CCDC74A: variants seen among roughly 807,000 people sequenced by gnomAD.
CCDC74A encodes the protein coiled-coil domain-containing protein 74A.
A neutral mutation model predicts 37.6 loss-of-function variants in CCDC74A; 38 were observed. The ratio of observed to expected loss-of-function variants is 1.01; its 90% CI spans 0.78 to 1.33. The LOEUF (loss-of-function observed/expected upper bound fraction) is 1.33. Ranked by LOEUF, CCDC74A falls within the 40% of genes most tolerant of loss-of-function variation. The probability of loss-of-function intolerance (pLI) is 0.00; values close to 1 mark genes in which losing one functional copy is unlikely to be tolerated. For synonymous variants in CCDC74A, 134 were observed against 165.2 expected, an observed-to-expected ratio of 0.81 and a Z score of 1.45; for missense variants, 340 against 403.4, an observed-to-expected ratio of 0.84 and a Z score of 1.35.
chr2:131,529,455 G>A (rs115803849), intron 1 of CCDC74A, 192 bp from the exon 2 acceptor site: 8,076 of 764,120 alleles, frequency 0.011, 169 homozygotes, highest in South Asian at 0.05. Context: ...CTAGGGAACA[G>A]GCAGGGCCAT....
At position 131,532,849 on chromosome 2, in the gene CCDC74A, G is replaced by A. The variant is rs748854676; in HGVS notation, c.679-15G>A. On this transcript the variant is annotated splice_polypyrimidine_tract_variant and intron_variant, in intron 5 of 7. Transcript: ENST00000409856. ...CCGCCACAGGCCCCACCATGCCCCT[G>A]CCCCTGCCTTTCAGCTGCGGCACCT... 1 of 1,613,238 alleles carries A rather than the reference G, an allele frequency of 6.2e-7. No homozygotes were observed. Among genetic ancestry groups the A allele is most frequent in the East Asian group, 2.2e-5 (1 of 44,874 alleles).
chr2:131,525,711 C>CTTTTTTTTTTTTTTTTTTT (rs58721770), upstream of CCDC74A, among the ~76,000 whole-genome samples: 7 of 63,446 alleles, frequency 1.1e-4, 1 homozygote, highest in Admixed American at 5.0e-4. Context: ...CTATGCCTGC[C>CTTTTTTTTTTTTTTTTTTT]TTTTTTTTTT....
chr2:131,529,788 T>G, intron 2 of CCDC74A, 97 bp downstream of exon 2: 2 of 1,565,288 alleles, frequency 1.3e-6, no homozygotes, highest in Non-Finnish European at 1.7e-6. Context: ...CTGGCCCCTG[T>G]ATGCCAACCC....
At position 131,530,274 on chromosome 2, in the gene CCDC74A, A is replaced by G. The variant is rs760597950; in HGVS notation, c.296-503A>G. On this transcript the variant is annotated intron_variant, in intron 2 of 7. Transcript: ENST00000409856. ...GGCTGTGGTCTCAAGCTCACTTCCC[A>G]TTATCTTTGGGGCTGGGGCTGACAT... 67 of 1,542,770 alleles carry G rather than the reference A, an allele frequency of 4.3e-5. No individual in the cohort carries two copies. In the East Asian group the frequency reaches 6.6e-4, roughly 15 times the overall value.
chr2:131,528,137 G>A lies in CCDC74A; in HGVS notation c.167G>A (p.Ser56Asn). 6.2e-7 allele frequency: 1 copy of A among 1,613,940 alleles called. No homozygotes were observed. Among genetic ancestry groups the A allele is most frequent in the South Asian group, 1.1e-5 (1 of 91,084 alleles). Residue 56 changes from serine to asparagine, a missense_variant, in exon 1 of 8, where the codon AGC (serine) becomes AAC (asparagine). Ser to Asn is a conservative substitution (Grantham distance 46). Transcript: ENST00000409856. ...PQKRNLDLEK[S>N]LQFLQQQHSE... Reference sequence around the variant, plus strand: ...AAACGGAACCTGGACCTGGAGAAAAGCCTGCAGTTCCTGCAGCAGCAGCAC... The same window carrying A: ...AAACGGAACCTGGACCTGGAGAAAAACCTGCAGTTCCTGCAGCAGCAGCAC...
Position 131,527,899 on chromosome 2 carries a change from G to A in CCDC74A, c.-72G>A, listed in dbSNP as rs1573515171. ...GTCGCCCGGTTTCCATGGTGACGGG[G>A]CGCCAGGCTAGGGCGGCCTGGCCAC... On this transcript the variant is annotated 5_prime_UTR_variant, in exon 1 of 8. Transcript: ENST00000409856. 1.4e-6 allele frequency: 2 copies of A among 1,405,248 alleles called. No individual in the cohort carries two copies. Among genetic ancestry groups the A allele is most frequent in the East Asian group, 5.6e-5 (2 of 35,432 alleles). The allele number at this position is 1,405,248 out of a possible 1,614,324, so 87.0% of individuals were successfully genotyped here.
chr2:131,524,143 G>A (rs576384444), upstream of CCDC74A, among the ~76,000 whole-genome samples: 31 of 152,274 alleles, frequency 2.0e-4, no homozygotes, highest in African/African-American at 7.5e-4. Context: ...CAAGAATTGT[G>A]GTTGCTGAAG....
chr2:131,528,607 G>C lies in CCDC74A; in HGVS notation c.250+387G>C, dbSNP rs980269383. 240 of 821,570 alleles carry C rather than the reference G, an allele frequency of 2.9e-4. 1 individual carries two copies. The highest frequency in any genetic ancestry group is 4.4e-4 in the Non-Finnish European group (219 of 499,022). 50.9% of individuals were successfully genotyped at this position (821,570 alleles called of 1,614,324 possible). A position where few individuals can be genotyped will look rare whatever the true frequency, so the allele number is the denominator to read the frequency against. ...GGGCGGATCACGAGGTCAGGAGATC[G>C]AGACCATCCTGGCTAACACGGTGAA... On this transcript the variant is annotated intron_variant, in intron 1 of 7. Transcript: ENST00000409856.
chr2:131,530,852 T>C, intron 3 of CCDC74A, 25 bp downstream of exon 3: 1 of 1,606,794 alleles, frequency 6.2e-7, no homozygotes, highest in Non-Finnish European at 8.5e-7. Context: ...GTCCATGTGC[T>C]CACAGGGGTG....
At chr2:131,523,665 G>A (rs145831902), upstream of CCDC74A, among the ~76,000 whole-genome samples, 282 of 152,196 alleles carry the variant, frequency 1.9e-3, no homozygotes, top group African/African-American at 6.5e-3. Flanking sequence ...GGCAGCTGGC[G>A]CCAGGGACAG....
Position 131,529,635 on chromosome 2 carries a change from G to T in CCDC74A, c.251-12G>T. 4 of 1,613,916 alleles carry T rather than the reference G, an allele frequency of 2.5e-6. No individual in the cohort carries two copies. Among genetic ancestry groups the T allele is most frequent in the Non-Finnish European group, 3.4e-6 (4 of 1,179,816 alleles). ...TTCACAAGTGCTGAGGAGAGCGTGT[G>T]CTTGCTTTCAGATCTCCATTACAAG... On this transcript the variant is annotated splice_polypyrimidine_tract_variant and intron_variant, in intron 1 of 7. Transcript: ENST00000409856.
chr2:131,522,798 G>C (rs142791513), upstream of CCDC74A, among the ~76,000 whole-genome samples: 21 of 152,310 alleles, frequency 1.4e-4, no homozygotes, highest in South Asian at 8.3e-4. Context: ...CAGAGGCCCT[G>C]TGCAGTCAGG....
chr2:131,530,100 G>C (rs1458511451), intron 2 of CCDC74A: 1 of 1,550,208 alleles, frequency 6.5e-7, no homozygotes, highest in African/African-American at 1.4e-5. Flanking sequence ...GGGCCCAGGG[G>C]CTCTGGACAC....
At chr2:131,533,160 A>G (rs2621984) in intron 7 of CCDC74A, 91 bp downstream of exon 7, 83,994 of 1,604,932 alleles carry the variant, frequency 0.052, 2,738 homozygotes, top group Middle Eastern at 0.064. Flanking sequence ...GCGCAGAAGC[A>G]GAGCTCGCTG....
chr2:131,528,961 C>T (rs930210251), intron 1 of CCDC74A, among the ~76,000 whole-genome samples: 32 of 128,496 alleles, frequency 2.5e-4, no homozygotes, highest in Non-Finnish European at 1.5e-4. Context: ...CCCATGCTGT[C>T]CTCCGGCGGG....
chr2:131,525,143 T>A (rs192769027), upstream of CCDC74A, among the ~76,000 whole-genome samples: 1 of 152,294 alleles, frequency 6.6e-6, no homozygotes, highest in Non-Finnish European at 1.5e-5. Context: ...GTTGCCATAA[T>A]TTTTTTGAGC....
chr2:131,528,195 C>A lies in CCDC74A; in HGVS notation c.225C>A (p.Ile75=), dbSNP rs142090969. ...TGCTGGCCAAGCTCCATGAGGAGAT[C>A]GAGCATCTGAAGCGGGAAAACAAGG... is the stretch of plus-strand genomic sequence containing the variant. The part of the protein sequence containing the change: ...SEMLAKLHEE[I]EHLKRENKDL... The change falls in exon 1 of 8, where the codon ATC becomes ATA. Residue 75 remains isoleucine (I), a synonymous_variant. Transcript: ENST00000409856. 6.2e-7 allele frequency: 1 copy of A among 1,613,380 alleles called. No individual in the cohort carries two copies. The highest frequency in any genetic ancestry group is 1.3e-5 in the African/African-American group (1 of 75,022).
upstream of CCDC74A, among the ~76,000 whole-genome samples, chr2:131,525,316 A>G (rs1680260077): frequency 2.0e-5 from 3 of 152,018 alleles, no homozygotes; most frequent in African/African-American, 4.8e-5. Flanking sequence ...CAGTGGTGCA[A>G]TCATGGCTCG....
rs1420117316 is a variant in CCDC74A at position 131,531,005 on chromosome 2, G to C, written c.346+178G>C. ...TGAAGCCACCGGGAGGGGATTAAGG[G>C]GGGGTGGGCAGGACCAGGGACCAGT... On this transcript the variant is annotated intron_variant, in intron 3 of 7. Coordinates refer to ENST00000409856, the MANE Select transcript of CCDC74A (RefSeq NM_001258306.3). Among the ~76,000 whole-genome samples, 3 of 152,096 alleles carry C rather than the reference G, an allele frequency of 2.0e-5. No individual in the cohort carries two copies. In the East Asian group the frequency reaches 5.8e-4, roughly 29 times the overall value.
Sources: gnomAD v4.1 joint callset for allele counts (sites outside exome capture counted in the v4.1 genomes callset) on GRCh38, gnomAD v4.1.1 for gene constraint, MANE v1.5 for transcripts, NCBI Gene and HGNC (gene_info 2026-07-23, HGNC 2026-07-21) for gene names.